USP25: variants seen among roughly 807,000 people sequenced by gnomAD.
USP25 encodes ubiquitin carboxyl-terminal hydrolase 25.
Under a neutral mutation model 158.5 loss-of-function variants are expected in USP25, and 85 were observed. The ratio of observed to expected loss-of-function variants is 0.54; its 90% CI spans 0.45 to 0.64. The LOEUF (loss-of-function observed/expected upper bound fraction) is 0.64. Among genes scored for constraint, USP25 ranks in the 30% least tolerant of loss-of-function variants. The probability of loss-of-function intolerance (pLI) is 0.00; values close to 1 mark genes in which losing one functional copy is unlikely to be tolerated. For missense variants in USP25, 1,242 were observed against 1,327.3 expected (o/e 0.94, Z 1.00); for synonymous variants, 464 against 460.4 (o/e 1.01, Z -0.10).
At chr21:15,856,360 C>T (rs2039136255) in intron 20 of USP25, among the ~76,000 whole-genome samples, 1 of 152,208 alleles carries the variant, frequency 6.6e-6, no homozygotes, top group Admixed American at 6.5e-5. Flanking sequence ...CCACAGTGAG[C>T]ATCTATTCAT....
At position 15,843,663 on chromosome 21, in the gene USP25, C is replaced by G. The variant is rs562998522; in HGVS notation, c.2337+1123C>G. Among the ~76,000 whole-genome samples the G allele has an allele frequency of 4.7e-3, 715 of 152,154 alleles. 10 individuals carry two copies. Among genetic ancestry groups the G allele is most frequent in the African/African-American group, 0.016 (683 of 41,518 alleles). On this transcript the variant is annotated intron_variant, in intron 18 of 25. Transcript: ENST00000400183. This position sits in a 1 kb window ranked among gnomAD's most constrained non-coding sequence, Gnocchi z 4.0. ...GATGTGAACATCACTAACTCTAAAGCTTTTCCTGGAAAATGCTTTGTTTAG... is the reference window on the plus strand; with the variant it reads ...GATGTGAACATCACTAACTCTAAAGGTTTTCCTGGAAAATGCTTTGTTTAG...
intron 1 of USP25, among the ~76,000 whole-genome samples, chr21:15,736,320 A>C (rs2031512325): frequency 6.6e-6 from 1 of 151,644 alleles, no homozygotes; most frequent in Non-Finnish European, 1.5e-5. Flanking sequence ...CTGGTCTTAA[A>C]CTCCTGACCC....
chr21:15,878,933 TGTATATTA>T lies in USP25; in HGVS notation c.*461_*468del, dbSNP rs1247861389. On this transcript the variant is annotated 3_prime_UTR_variant, in exon 26 of 26. Coordinates refer to ENST00000400183, the MANE Select transcript of USP25 (RefSeq NM_001283041.3). ...CCTATGTGTTTGTAAGCAGGTATAT[TGTATATTA>T]GTGTATTAGTAATACTAGATAAATG... 3 of 152,888 alleles carry T rather than the reference TGTATATTA, an allele frequency of 2.0e-5. No homozygotes were observed. Among genetic ancestry groups the T allele is most frequent in the Admixed American group, 6.5e-5 (1 of 15,288 alleles). The allele number at this position is 152,888 out of a possible 1,614,324, so 9.5% of individuals were successfully genotyped here.
In USP25 at chr21:15,818,774, C is replaced by T. The variant is rs753786231; in HGVS notation, c.1008C>T (p.Cys336=). ...QVNGFKDLHE[C]LEAAMIEGEI... is the part of the protein sequence containing the mutation. ...ATGGGTTCAAAGATCTGCATGAGTGCCTAGAAGCTGCAATGATTGAAGGAG... is the reference window on the plus strand; with the variant it reads ...ATGGGTTCAAAGATCTGCATGAGTGTCTAGAAGCTGCAATGATTGAAGGAG... Residue 336 remains cysteine (C), a synonymous_variant, in exon 10 of 26, where the codon TGC becomes TGT. Coordinates refer to ENST00000400183, the MANE Select transcript of USP25 (RefSeq NM_001283041.3). 1.6e-5 allele frequency: 26 copies of T among 1,613,738 alleles called. No homozygotes were observed. In the East Asian group the frequency reaches 5.6e-4, roughly 35 times the overall value.
chr21:15,748,454 GTTTTTT>G (rs71331787), intron 1 of USP25, among the ~76,000 whole-genome samples: 1 of 78,994 alleles, frequency 1.3e-5, no homozygotes, highest in Non-Finnish European at 2.4e-5. Context: ...CTACTTTTTA[GTTTTTT>G]TTTTTTTTTT....
In USP25 at chr21:15,730,438, G is replaced by A; in HGVS notation, c.45G>A (p.Lys15=). Residue 15 remains lysine (K), a splice_region_variant and synonymous_variant, in exon 1 of 26, where the codon AAG becomes AAA. Coordinates refer to ENST00000400183, the MANE Select transcript of USP25 (RefSeq NM_001283041.3). The part of the protein sequence containing the change: ...QNVLQQSAAQ[K]HQQTFLNQLR... The stretch of plus-strand genomic sequence containing the variant: ...TGCTGCAGCAGAGCGCGGCGCAGAA[G>A]GTGAGGCGAGTCCGCCAGCCGGCGG... 1 of 1,363,202 alleles carries A rather than the reference G, an allele frequency of 7.3e-7. No homozygotes were observed. The highest frequency in any genetic ancestry group is 9.5e-7 in the Non-Finnish European group (1 of 1,048,930). 84.4% of individuals were successfully genotyped at this position (1,363,202 alleles called of 1,614,324 possible).
chr21:15,874,661 G>C, intron 24 of USP25, 135 bp downstream of exon 24: 1 of 795,796 alleles, frequency 1.3e-6, no homozygotes, highest in East Asian at 2.9e-5. Context: ...ACTGGTTCTA[G>C]TCCCTTCAGA....
intron 18 of USP25, 106 bp downstream of exon 18, chr21:15,842,646 G>T: frequency 7.1e-7 from 1 of 1,400,260 alleles, no homozygotes; most frequent in Non-Finnish European, 9.7e-7. Context: ...GGGGCCCAGT[G>T]ATGGCTCTGC....
chr21:15,742,076 A>T (rs986019678), intron 1 of USP25, among the ~76,000 whole-genome samples: 1 of 151,878 alleles, frequency 6.6e-6, no homozygotes, highest in Non-Finnish European at 1.5e-5. Flanking sequence ...AGGTAAGTAA[A>T]TTGGACAGAA....
Position 15,791,355 on chromosome 21 carries a change from C to T in USP25, c.393-147C>T, listed in dbSNP as rs535538761. 15 of 860,310 alleles carry T rather than the reference C, an allele frequency of 1.7e-5. 1 individual carries two copies. The East Asian group carries it at 2.2e-4, about 13-fold the overall frequency. The allele number at this position is 860,310 out of a possible 1,614,324, so 53.3% of individuals were successfully genotyped here. ...TGTATTAGCATTGACACTGCTAAAA[C>T]GTGTATTTGAGTAAAGTTAGTATTA... On this transcript the variant is annotated intron_variant, in intron 4 of 25. Transcript: ENST00000400183.
chr21:15,862,545 A>G (rs536163550), intron 20 of USP25, among the ~76,000 whole-genome samples: 1 of 147,300 alleles, frequency 6.8e-6, no homozygotes, highest in South Asian at 2.1e-4. Context: ...TACTTTGATT[A>G]TTATGTTTGG....
At chr21:15,813,717 A>C (rs1359365410) in intron 9 of USP25, among the ~76,000 whole-genome samples, 1 of 152,002 alleles carries the variant, frequency 6.6e-6, no homozygotes, top group African/African-American at 2.4e-5. Context: ...TTCAGTTAAT[A>C]CCCTCTCTTG....
At chr21:15,852,329 G>T (rs1413358781) in intron 20 of USP25, among the ~76,000 whole-genome samples, 2 of 152,000 alleles carry the variant, frequency 1.3e-5, no homozygotes, top group African/African-American at 4.8e-5. Flanking sequence ...TAGTTTATAT[G>T]TTGATATTAG....
intron 15 of USP25, 121 bp from the exon 16 acceptor site, chr21:15,831,269 CCAGTTCTCTCT>C: frequency 6.6e-6 from 5 of 753,636 alleles, no homozygotes; most frequent in Non-Finnish European, 1.1e-5. Context: ...TTAAGCCCAG[CCAGTTCTCTCT>C]CATTTAAAAA....
chr21:15,865,611 C>T (rs2039621845), intron 21 of USP25, among the ~76,000 whole-genome samples: 1 of 152,270 alleles, frequency 6.6e-6, no homozygotes, highest in African/African-American at 2.4e-5. Flanking sequence ...CCCTCGTTAT[C>T]TGTGCTATCA....
chr21:15,734,330 A>G (rs1163820379), intron 1 of USP25, among the ~76,000 whole-genome samples: 1 of 152,262 alleles, frequency 6.6e-6, no homozygotes, highest in Non-Finnish European at 1.5e-5. Context: ...CTAAGGTTAT[A>G]AAACTATACC....
rs1291192324 is a variant in USP25 at position 15,816,448 on chromosome 21, T to C, written c.932-2250T>C. The stretch of plus-strand genomic sequence containing the variant: ...CTCTTAACCTCTTCTTCCTCCTTTT[T>C]CCTATTCTTTCCTTAAAAACACATT... On this transcript the variant is annotated intron_variant, in intron 9 of 25. Coordinates refer to ENST00000400183, the MANE Select transcript of USP25 (RefSeq NM_001283041.3). This position sits in a 1 kb window ranked among gnomAD's most constrained non-coding sequence, Gnocchi z 4.0. Among the ~76,000 whole-genome samples, 1 of 152,212 alleles carries C rather than the reference T, an allele frequency of 6.6e-6. No homozygotes were observed. The highest frequency in any genetic ancestry group is 2.4e-5 in the African/African-American group (1 of 41,448).
At chr21:15,740,895 C>A (rs2031990486) in intron 1 of USP25, among the ~76,000 whole-genome samples, 1 of 151,796 alleles carries the variant, frequency 6.6e-6, no homozygotes, top group South Asian at 2.1e-4. Flanking sequence ...CCCCACACTA[C>A]TGCTATCTTG....
chr21:15,802,935 CAT>C (rs1228150356), intron 6 of USP25, among the ~76,000 whole-genome samples: 1 of 151,456 alleles, frequency 6.6e-6, no homozygotes, highest in Non-Finnish European at 1.5e-5. Context: ...AGAGGGAAGA[CAT>C]ATATTACAAA....
Sources: gnomAD v4.1 joint callset for allele counts (sites outside exome capture counted in the v4.1 genomes callset) on GRCh38, gnomAD v4.1.1 for gene constraint, Gnocchi (gnomAD v3.1) non-coding constraint, MANE v1.5 for transcripts, NCBI Gene and HGNC (gene_info 2026-07-23, HGNC 2026-07-21) for gene names.